Variants in PTPRS observed in about 807,000 individuals in gnomAD.
PTPRS encodes the protein protein tyrosine phosphatase receptor type S, also known as receptor-type tyrosine-protein phosphatase S.
Under a neutral mutation model 215.3 loss-of-function variants are expected in PTPRS, and 63 were observed. That is an observed-to-expected ratio of 0.29 (90% confidence interval 0.24 to 0.36). PTPRS has a LOEUF of 0.36. Among genes scored for constraint, PTPRS ranks in the 10% least tolerant of loss-of-function variants. The pLI is 1.00. For synonymous variants in PTPRS, 1,404 were observed against 1,191.4 expected, an observed-to-expected ratio of 1.18 and a Z score of -3.68; for missense variants, 2,258 against 2,825.8, an observed-to-expected ratio of 0.80 and a Z score of 4.56.
At chr19:5,340,402 G>A (rs1486708274) in intron 1 of PTPRS, among the ~76,000 whole-genome samples, 7 of 149,446 alleles carry the variant, frequency 4.7e-5, no homozygotes, top group Non-Finnish European at 7.5e-5. Flanking sequence ...CGCGGACGAA[G>A]CCCCCCCAGC....
At chr19:5,306,452 A>AT (rs369632213) in intron 1 of PTPRS, among the ~76,000 whole-genome samples, 31 of 149,316 alleles carry the variant, frequency 2.1e-4, no homozygotes, top group East Asian at 2.0e-3. Context: ...GCCCAGGGTG[A>AT]TTTTTTTTTT....
intron 12 of PTPRS, 24 bp downstream of exon 12, chr19:5,240,175 C>A (rs890008356): frequency 2.0e-6 from 3 of 1,507,578 alleles, no homozygotes; most frequent in African/African-American, 2.8e-5. Flanking sequence ...CAGGGCAGGC[C>A]AGCCCGTCCC....
At chr19:5,292,989 G>C (rs1179643576) in intron 1 of PTPRS, among the ~76,000 whole-genome samples, 1 of 152,118 alleles carries the variant, frequency 6.6e-6, no homozygotes, top group East Asian at 1.9e-4. Flanking sequence ...GCCCAAGCTG[G>C]CCCTGGAGGG....
chr19:5,301,645 C>T (rs1234341041), intron 1 of PTPRS, among the ~76,000 whole-genome samples: 1 of 152,036 alleles, frequency 6.6e-6, no homozygotes, highest in East Asian at 1.9e-4. Context: ...CTGGCCACAT[C>T]CTCTCTGCAA....
At chr19:5,319,413 CTTT>C (rs78544674) in intron 1 of PTPRS, among the ~76,000 whole-genome samples, 6 of 135,316 alleles carry the variant, frequency 4.4e-5, no homozygotes, top group East Asian at 2.2e-4. Flanking sequence ...CAGACCTTGT[CTTT>C]TTTTTTTTTT....
At position 5,335,512 on chromosome 19, in the gene PTPRS, G is replaced by A. The variant is rs1039549599; in HGVS notation, c.-95+5152C>T. Among the ~76,000 whole-genome samples, 6 of 152,180 alleles carry A rather than the reference G, an allele frequency of 3.9e-5. 1 individual carries two copies. In the South Asian group the frequency reaches 8.3e-4, roughly 21 times the overall value. ...GAGGGGAAGTCATCCAGGAAGGAAG[G>A]AAGGCAGGCAGGCAGGTGAGATCTG... is the stretch of plus-strand genomic sequence containing the variant. On this transcript the variant is annotated intron_variant, in intron 1 of 37. Transcript: ENST00000262963.
rs867549552 is a variant in PTPRS at position 5,218,180 on chromosome 19, G to A, written c.4048+240C>T. Among the ~76,000 whole-genome samples the A allele has an allele frequency of 4.0e-5, 6 of 149,508 alleles. No homozygotes were observed. The South Asian group carries it at 8.7e-4, about 22-fold the overall frequency. ...CTTTAGGCTCCTGAAGAGGACAGCAGCCATTGGTTAAATGTTAACTTTAAA... is the reference window on the plus strand; with the variant it reads ...CTTTAGGCTCCTGAAGAGGACAGCAACCATTGGTTAAATGTTAACTTTAAA... On this transcript the variant is annotated intron_variant, in intron 25 of 37. Coordinates refer to ENST00000262963, the MANE Select transcript of PTPRS (RefSeq NM_002850.4).
At position 5,231,535 on chromosome 19, in the gene PTPRS, G is replaced by A. The variant is rs766391106; in HGVS notation, c.1930C>T (p.Pro644Ser). ...ACCAGGGCCCCGTTGTGCGTTTCCG[G>A]CGGCGGCGGGCGCCAACTTACCAAA... ...AILVSWRPPP[P>S]ETHNGALVGY... Residue 644 changes from proline (P) to serine (S), a missense_variant, in exon 14 of 38, where the codon CCG (proline) becomes TCG (serine). Pro to Ser is a moderately conservative substitution (Grantham distance 74). This residue lies in a region of PTPRS where 371 missense variants were observed against 446.7 expected (regional missense o/e 0.83). Transcript: ENST00000262963. 6.2e-7 allele frequency: 1 copy of A among 1,610,338 alleles called. No homozygotes were observed. Among genetic ancestry groups the A allele is most frequent in the South Asian group, 1.1e-5 (1 of 90,892 alleles).
Position 5,229,484 on chromosome 19 carries a change from C to T in PTPRS, c.2349+7G>A. 2.8e-6 allele frequency: 4 copies of T among 1,419,608 alleles called. No individual in the cohort carries two copies. Among genetic ancestry groups the T allele is most frequent in the Non-Finnish European group, 3.7e-6 (4 of 1,091,202 alleles). The allele number at this position is 1,419,608 out of a possible 1,614,324, so 87.9% of individuals were successfully genotyped here. ...CGTCCCCGGCCCCGCCCCGGCCCCC[C>T]GCCCACCTGGGCATCGGCCAGCATG... On this transcript the variant is annotated splice_region_variant and intron_variant, in intron 15 of 37. Transcript: ENST00000262963.
intron 1 of PTPRS, among the ~76,000 whole-genome samples, chr19:5,332,011 G>A (rs1447734876): frequency 6.6e-6 from 1 of 152,104 alleles, no homozygotes; most frequent in African/African-American, 2.4e-5. Context: ...CGGCAATGGA[G>A]GTGTCAGAAG....
In PTPRS at chr19:5,214,601, G is replaced by A. The variant is rs139132124; in HGVS notation, c.4454C>T (p.Ala1485Val). 17 of 1,612,288 alleles carry A rather than the reference G, an allele frequency of 1.1e-5. No individual in the cohort carries two copies. The highest frequency in any genetic ancestry group is 1.7e-5 in the Admixed American group (1 of 59,990). The change falls in exon 29 of 38, where the codon GCG becomes GTG. Residue 1485 changes from alanine to valine, a missense_variant. Physicochemically the swap from Ala to Val is moderately conservative, Grantham distance 64. Around this residue, in one of 6 missense-constraint regions of PTPRS, gnomAD observed 927 missense variants for 1,125.9 expected, o/e 0.82. Coordinates refer to ENST00000262963, the MANE Select transcript of PTPRS (RefSeq NM_002850.4). ...FWRMVWEQRS[A>V]TIVMMTRLEE... ...CAGCCGCGTCATCATGACGATGGTC[G>A]CCGACCGCTGCTCCCACACCATACG...
intron 1 of PTPRS, among the ~76,000 whole-genome samples, chr19:5,331,562 C>A (rs1046235255): frequency 5.3e-5 from 8 of 152,134 alleles, no homozygotes; most frequent in Non-Finnish European, 1.0e-4. Flanking sequence ...CCAGCAGCAC[C>A]CCCCTGGACA....
In PTPRS at chr19:5,211,643, G is replaced by C; in HGVS notation, c.5181C>G (p.Ile1727Met). The C allele has an allele frequency of 3.1e-6, 5 of 1,613,990 alleles. No individual in the cohort carries two copies. The highest frequency in any genetic ancestry group is 1.3e-5 in the African/African-American group (1 of 75,012). ...TGTAGTCAGAGCCCTCCACACCCCG[G>C]ATGGGTTGCAGACAGACCCGTGTGC... is the stretch of plus-strand genomic sequence containing the variant. ...YESTRVCLQP[I>M]RGVEGSDYIN... The change falls in exon 33 of 38, where the codon ATC becomes ATG. Residue 1727 changes from isoleucine to methionine, a missense_variant. Ile to Met is a conservative substitution (Grantham distance 10). Transcript: ENST00000262963.
intron 1 of PTPRS, among the ~76,000 whole-genome samples, chr19:5,317,694 C>T (rs986545884): frequency 2.0e-5 from 3 of 152,132 alleles, no homozygotes; most frequent in African/African-American, 7.2e-5. Context: ...TAAGAGAACC[C>T]AAACTCACAT....
intron 1 of PTPRS, among the ~76,000 whole-genome samples, chr19:5,324,226 CAAAAAAAAAAAA>C (rs55793961): frequency 9.5e-5 from 7 of 73,880 alleles, no homozygotes; most frequent in South Asian, 7.7e-4. Context: ...AACCCTGCCT[CAAAAAAAAAAAA>C]AAAAAAAAAA....
chr19:5,266,090 G>A (rs925484271), intron 4 of PTPRS, among the ~76,000 whole-genome samples: 6 of 151,868 alleles, frequency 4.0e-5, no homozygotes, highest in African/African-American at 1.2e-4. Flanking sequence ...GTGAAACACT[G>A]TCTCCATTAA....
chr19:5,317,320 A>C (rs2049904090), intron 1 of PTPRS, among the ~76,000 whole-genome samples: 1 of 152,136 alleles, frequency 6.6e-6, no homozygotes, highest in Non-Finnish European at 1.5e-5. Flanking sequence ...AAAAATACAA[A>C]AATTAGCCAG....
At chr19:5,239,088 G>A in intron 12 of PTPRS, 25 bp from the exon 13 acceptor site, 1 of 1,590,680 alleles carries the variant, frequency 6.3e-7, no homozygotes, top group Non-Finnish European at 8.6e-7. Context: ...GAGAAGGACA[G>A]AGAGGGATGG....
In PTPRS at chr19:5,240,186, C is replaced by T. The variant is rs376563180; in HGVS notation, c.1704+13G>A. The T allele has an allele frequency of 2.9e-5, 44 of 1,528,856 alleles. No individual in the cohort carries two copies. Among genetic ancestry groups the T allele is most frequent in the South Asian group, 4.9e-5 (4 of 80,824 alleles). 94.7% of individuals were successfully genotyped at this position (1,528,856 alleles called of 1,614,324 possible). A position where few individuals can be genotyped will look rare whatever the true frequency, so the allele number is the denominator to read the frequency against. ...AGCCCAGGGCAGGCCAGCCCGTCCC[C>T]GCGCTGCCTCACCTCCCGGCCATGG... On this transcript the variant is annotated intron_variant, in intron 12 of 37. Coordinates refer to ENST00000262963, the MANE Select transcript of PTPRS (RefSeq NM_002850.4).
Sources: gnomAD v4.1 joint callset for allele counts (sites outside exome capture counted in the v4.1 genomes callset) on GRCh38, gnomAD v4.1.1 for gene constraint, gnomAD v4.1.1 regional missense constraint, MANE v1.5 for transcripts, NCBI Gene and HGNC (gene_info 2026-07-23, HGNC 2026-07-21) for gene names.